The following NUTM2F variants were observed in gnomAD, a reference collection of about 807,000 sequenced individuals.
NUTM2F encodes the protein family with sequence similarity 22, member F.
Under a neutral mutation model 43.3 loss-of-function variants are expected in NUTM2F, and 22 were observed. The ratio of observed to expected loss-of-function variants is 0.51; its 90% CI spans 0.36 to 0.73. The LOEUF (loss-of-function observed/expected upper bound fraction) is 0.73, where lower values mean the gene tolerates loss of function less well. NUTM2F is among the 30% of genes least tolerant of loss of function. The pLI, the probability that NUTM2F is intolerant of heterozygous loss-of-function variation, is 0.00. For missense variants in NUTM2F, 488 were observed against 927.4 expected (o/e 0.53, Z 6.15); for synonymous variants, 202 against 389.0 (o/e 0.52, Z 5.66).
rs750245035 is a variant in NUTM2F, at chr9:94,325,805, G to C, written c.146C>G (p.Pro49Arg). 3.8e-5 allele frequency: 61 copies of C among 1,612,166 alleles called. No homozygotes were observed. The African/African-American group carries it at 6.0e-4, about 16-fold the overall frequency. ...AGAGAGCACCAGAGGGCCGGCTGGA[G>C]GAACCACTGCAGTCACGAGGGGCGG... The part of the protein sequence containing the change: ...HRPPLVTAVV[P>R]PAGPLVLSAF... Residue 49 changes from proline to arginine, a missense_variant, in exon 2 of 7, where the codon CCT becomes CGT. Pro to Arg is a moderately radical substitution (Grantham distance 103). Coordinates refer to ENST00000253262, the MANE Select transcript of NUTM2F (RefSeq NM_017561.2).
chr9:94,325,769 C>A lies in NUTM2F; in HGVS notation c.182G>T (p.Ser61Ile). The A allele has an allele frequency of 3.7e-6, 6 of 1,612,098 alleles. No homozygotes were observed. The highest frequency in any genetic ancestry group is 5.1e-6 in the Non-Finnish European group (6 of 1,179,860). The change falls in exon 2 of 7, where the codon AGC (serine) becomes ATC (isoleucine). Residue 61 changes from serine (S) to isoleucine (I), a missense_variant. Ser to Ile is a moderately radical substitution (Grantham distance 142). Coordinates refer to ENST00000253262, the MANE Select transcript of NUTM2F (RefSeq NM_017561.2). ...AGPLVLSAFP[S>I]TPLVAGQDGR... ...ATCCTGTCCTGCCACTAGAGGGGTG[C>A]TGGGGAAGGCAGAGAGCACCAGAGG... is the stretch of plus-strand genomic sequence containing the variant.
intron 2 of NUTM2F, 47 bp from the exon 3 acceptor site, chr9:94,322,376 C>T (rs781633790): frequency 6.2e-7 from 1 of 1,610,472 alleles, no homozygotes; most frequent in Non-Finnish European, 8.5e-7. Flanking sequence ...CACCCTCCAT[C>T]CCGGGCCCAC....
chr9:94,326,878 A>T (rs1343180198), intron 1 of NUTM2F, among the ~76,000 whole-genome samples: 1 of 151,708 alleles, frequency 6.6e-6, no homozygotes, highest in Non-Finnish European at 1.5e-5. Context: ...CACCCACACA[A>T]GTGTTAAATA....
intron 3 of NUTM2F, 40 bp downstream of exon 3, chr9:94,322,158 TCAC>T: frequency 6.2e-7 from 1 of 1,611,036 alleles, no homozygotes; most frequent in Non-Finnish European, 8.5e-7. Context: ...TCATTCACTC[TCAC>T]CCCGCCACAC....
In NUTM2F at chr9:94,324,618, G is replaced by A. The variant is rs1387756175; in HGVS notation, c.713+620C>T. 1.8e-4 allele frequency among the ~76,000 whole-genome samples: 26 copies of A among 146,126 alleles called. No individual in the cohort carries two copies. The South Asian group carries it at 2.3e-3, about 13-fold the overall frequency. On this transcript the variant is annotated intron_variant, in intron 2 of 6. Transcript: ENST00000253262. ...GTAGAGCTTGCAGTGAGCCAAGATC[G>A]CGCCACTGCACTCCAGCCTGGGCGA...
At chr9:94,322,107 A>G (rs1831376743) in intron 3 of NUTM2F, 94 bp downstream of exon 3, 8 of 1,540,712 alleles carry the variant, frequency 5.2e-6, no homozygotes, top group Middle Eastern at 2.4e-4. Flanking sequence ...CACCCTCCTC[A>G]TGCTCCATGC....
At chr9:94,323,638 A>C (rs1239469545) in intron 2 of NUTM2F, among the ~76,000 whole-genome samples, 1 of 152,174 alleles carries the variant, frequency 6.6e-6, no homozygotes, top group Admixed American at 6.5e-5. Context: ...CTGTCATGTA[A>C]TGTGTCATAG....
At chr9:94,327,850 G>A (rs1033411183) in intron 1 of NUTM2F, among the ~76,000 whole-genome samples, 5 of 148,364 alleles carry the variant, frequency 3.4e-5, no homozygotes, top group African/African-American at 7.8e-5. Flanking sequence ...TACAGAGGAC[G>A]GGCCATGAGC....
Position 94,318,966 on chromosome 9 carries a change from G to C in NUTM2F, c.1770C>G (p.Val590=). The C allele has an allele frequency of 6.2e-7, 1 of 1,611,618 alleles. No individual in the cohort carries two copies. Among genetic ancestry groups the C allele is most frequent in the Non-Finnish European group, 8.5e-7 (1 of 1,179,138 alleles). Residue 590 remains valine (V), a synonymous_variant, in exon 7 of 7, where the codon GTC becomes GTG. Transcript: ENST00000253262. ...GCQDSPRLKA[V]RPTSPPQDHR... is the part of the protein sequence containing the mutation. ...GGTCCTGGGGAGGAGAGGTTGGCCG[G>C]ACAGCCTTCAGCCTGGGGGAATCCT...
rs1180940798 is a variant in NUTM2F at position 94,320,076 on chromosome 9, C to T, written c.1368+132G>A. 1.3e-6 allele frequency: 1 copy of T among 777,712 alleles called. No individual in the cohort carries two copies. Among genetic ancestry groups the T allele is most frequent in the African/African-American group, 1.7e-5 (1 of 57,308 alleles). The allele number at this position is 777,712 out of a possible 1,614,324, so 48.2% of individuals were successfully genotyped here. On this transcript the variant is annotated intron_variant, in intron 5 of 6. Coordinates refer to ENST00000253262, the MANE Select transcript of NUTM2F (RefSeq NM_017561.2). This position sits in a 1 kb window ranked among gnomAD's most constrained non-coding sequence, Gnocchi z 4.5. ...ACAGCAACACACAGACACACACAGTCACATACACAGACACTCAAATCCATG... is the reference window on the plus strand; with the variant it reads ...ACAGCAACACACAGACACACACAGTTACATACACAGACACTCAAATCCATG...
rs577612544 is a variant in NUTM2F, at chr9:94,321,146, G to A, written c.929C>T (p.Pro310Leu). The A allele has an allele frequency of 2.6e-5, 41 of 1,548,454 alleles. No homozygotes were observed. The highest frequency in any genetic ancestry group is 3.2e-5 in the Non-Finnish European group (37 of 1,154,372). The change falls in exon 4 of 7, where the codon CCG becomes CTG. Residue 310 changes from proline (P) to leucine (L), a missense_variant. Pro to Leu is a moderately conservative substitution (Grantham distance 98, BLOSUM62 -3). Coordinates refer to ENST00000253262, the MANE Select transcript of NUTM2F (RefSeq NM_017561.2). ...KGPQSLPPPAPPRLEPRGPPA... is the reference protein window; with the variant it reads ...KGPQSLPPPALPRLEPRGPPA... ...GGGTCCTCGAGGTTCAAGCCTCGGCGGGGCTGGAGGAGGCAGGCTCTGGGG... is the reference window on the plus strand; with the variant it reads ...GGGTCCTCGAGGTTCAAGCCTCGGCAGGGCTGGAGGAGGCAGGCTCTGGGG...
At chr9:94,328,470 G>A (rs928870119) in intron 1 of NUTM2F, 138 bp downstream of exon 1, 5 of 1,357,854 alleles carry the variant, frequency 3.7e-6, no homozygotes, top group Non-Finnish European at 5.2e-6. Context: ...ATCCCCAGGT[G>A]TGATGTCCCT....
In NUTM2F at chr9:94,320,810, C is replaced by T. The variant is rs1831353238; in HGVS notation, c.983-217G>A. On this transcript the variant is annotated intron_variant, in intron 4 of 6. Transcript: ENST00000253262. This position sits in a 1 kb window ranked among gnomAD's most constrained non-coding sequence, Gnocchi z 4.5. ...GCCACCGATATGCCGTGTACTCTCC[C>T]CGCTCATCTCTGCTTCCTGGGCAGA... is the stretch of plus-strand genomic sequence containing the variant. 6.6e-6 allele frequency among the ~76,000 whole-genome samples: 1 copy of T among 152,178 alleles called. No homozygotes were observed. Among genetic ancestry groups the T allele is most frequent in the African/African-American group, 2.4e-5 (1 of 41,442 alleles).
chr9:94,319,842 G>C (rs1482607104), intron 5 of NUTM2F, 113 bp from the exon 6 acceptor site: 51 of 1,269,392 alleles, frequency 4.0e-5, no homozygotes, highest in South Asian at 9.3e-5. Flanking sequence ...CCCTCCTGGG[G>C]CTGTTTCATA....
rs1215031310 is a variant in NUTM2F at position 94,324,184 on chromosome 9, C to T, written c.713+1054G>A. Among the ~76,000 whole-genome samples, 68 of 149,310 alleles carry T rather than the reference C, an allele frequency of 4.6e-4. 2 individuals carry two copies. The highest frequency in any genetic ancestry group is 1.3e-3 in the South Asian group (6 of 4,676). On this transcript the variant is annotated intron_variant, in intron 2 of 6. Transcript: ENST00000253262. ...ACTTGGGAGGCTGAGGCAGGAGAAT[C>T]GCTTGAACCTAGGAGGCAGAGGTTG...
At chr9:94,324,414 G>A (rs576994455) in intron 2 of NUTM2F, among the ~76,000 whole-genome samples, 5 of 151,840 alleles carry the variant, frequency 3.3e-5, no homozygotes, top group Non-Finnish European at 7.4e-5. Context: ...TGCAATCGCA[G>A]CACTTTGGGA....
intron 2 of NUTM2F, among the ~76,000 whole-genome samples, chr9:94,324,237 T>G (rs1389209528): frequency 6.6e-6 from 1 of 151,662 alleles, no homozygotes; most frequent in Non-Finnish European, 1.5e-5. Flanking sequence ...ACCATTGCAC[T>G]CCAGCCTGGG....
chr9:94,321,892 C>T (rs185519961), intron 3 of NUTM2F, among the ~76,000 whole-genome samples: 2,727 of 147,562 alleles, frequency 0.018, 102 homozygotes, highest in African/African-American at 0.054. Context: ...CACCCCTTCT[C>T]CCCATCCCCA....
chr9:94,328,431 C>T (rs1831476632), intron 1 of NUTM2F, among the ~76,000 whole-genome samples, 177 bp downstream of exon 1: 1 of 152,162 alleles, frequency 6.6e-6, no homozygotes, highest in African/African-American at 2.4e-5. Context: ...AGCCCTCCTC[C>T]CTAACCACAG....
Sources: allele counts gnomAD v4.1 joint callset (sites outside exome capture counted in the v4.1 genomes callset), GRCh38; gene constraint gnomAD v4.1.1; non-coding constraint Gnocchi (gnomAD v3.1); transcripts MANE v1.5; gene names NCBI Gene and HGNC (gene_info 2026-07-23, HGNC 2026-07-21).